MGAT4C: variants seen among roughly 807,000 people sequenced by gnomAD.
MGAT4C encodes the protein alpha-1,3-mannosyl-glycoprotein 4-beta-N-acetylglucosaminyltransferase C.
MGAT4C carries 19 observed loss-of-function variants against 40.1 expected under a neutral mutation model. The ratio of observed to expected loss-of-function variants is 0.47; its 90% CI spans 0.33 to 0.70. MGAT4C has a LOEUF of 0.70. Among genes scored for constraint, MGAT4C ranks in the 30% least tolerant of loss-of-function variants. The probability of loss-of-function intolerance (pLI) is 0.02; values close to 1 mark genes in which losing one functional copy is unlikely to be tolerated. For synonymous variants in MGAT4C, 181 were observed against 187.1 expected, an observed-to-expected ratio of 0.97 and a Z score of 0.27; for missense variants, 491 against 563.2, an observed-to-expected ratio of 0.87 and a Z score of 1.30.
At chr12:86,525,861 G>GCT (rs1958870817) in intron 2 of MGAT4C, among the ~76,000 whole-genome samples, 2 of 152,176 alleles carry the variant, frequency 1.3e-5, no homozygotes, top group African/African-American at 4.8e-5. Flanking sequence ...TGGCCACTAT[G>GCT]CTCTGATGGG....
chr12:86,574,505 T>A (rs1004667266), intron 2 of MGAT4C, among the ~76,000 whole-genome samples: 1 of 151,800 alleles, frequency 6.6e-6, no homozygotes, highest in African/African-American at 2.4e-5. Context: ...ATATTAGTTT[T>A]AGTCATTATA....
At chr12:86,321,507 T>C (rs1374546289) in intron 4 of MGAT4C, among the ~76,000 whole-genome samples, 1 of 152,128 alleles carries the variant, frequency 6.6e-6, no homozygotes, top group Non-Finnish European at 1.5e-5. Context: ...GTTTTAATTT[T>C]AAGAGCTAAT....
chr12:85,992,484 C>G (rs562766570), intron 2 of MGAT4C, among the ~76,000 whole-genome samples: 1 of 152,320 alleles, frequency 6.6e-6, no homozygotes, highest in South Asian at 2.1e-4. Context: ...ATCATTCTTT[C>G]TTTCTCTCTT....
intron 2 of MGAT4C, among the ~76,000 whole-genome samples, chr12:86,644,408 C>A (rs184967275): frequency 0.032 from 4,717 of 149,124 alleles, 120 homozygotes; most frequent in African/African-American, 0.078. Context: ...GCAAACAAAT[C>A]AGAATAAATA....
intron 1 of MGAT4C, among the ~76,000 whole-genome samples, chr12:86,090,599 A>C (rs1198394367): frequency 6.6e-6 from 1 of 151,836 alleles, no homozygotes; most frequent in Non-Finnish European, 1.5e-5. Flanking sequence ...TGAGAAGTCT[A>C]ATACCAGTCT....
In MGAT4C at chr12:86,156,777, A is replaced by G. The variant is rs1052838623; in HGVS notation, c.-57+99462T>C. Among the ~76,000 whole-genome samples the G allele has an allele frequency of 3.9e-5, 6 of 152,224 alleles. 1 individual carries two copies. The highest frequency in any genetic ancestry group is 1.4e-4 in the African/African-American group (6 of 41,462). Reference sequence around the variant, plus strand: ...TTTTCTACTGAGTAAATTATGGCTCAGAAAACTTGGCTCAGGGCTTTGCAT... The same window carrying G: ...TTTTCTACTGAGTAAATTATGGCTCGGAAAACTTGGCTCAGGGCTTTGCAT... On this transcript the variant is annotated intron_variant, in intron 1 of 4. Coordinates refer to ENST00000611864, the MANE Select transcript of MGAT4C (RefSeq NM_001351288.2).
chr12:86,777,086 C>A (rs971929846), intron 1 of MGAT4C, among the ~76,000 whole-genome samples: 2 of 152,040 alleles, frequency 1.3e-5, no homozygotes, highest in African/African-American at 4.8e-5. Context: ...AATTCAATGG[C>A]AAATTGCCAA....
chr12:86,015,374 T>C (rs1306258470), intron 2 of MGAT4C, among the ~76,000 whole-genome samples: 1 of 152,064 alleles, frequency 6.6e-6, no homozygotes, highest in Non-Finnish European at 1.5e-5. Flanking sequence ...TGTGCTGTGG[T>C]CATGCCAATC....
chr12:86,201,919 G>A (rs1421236167), intron 1 of MGAT4C, among the ~76,000 whole-genome samples: 1 of 151,846 alleles, frequency 6.6e-6, no homozygotes, highest in African/African-American at 2.4e-5. Context: ...CACAGCAAAT[G>A]GTATTGTGCT....
intron 2 of MGAT4C, among the ~76,000 whole-genome samples, chr12:86,447,392 C>T (rs1957358201): frequency 6.6e-6 from 1 of 152,000 alleles, no homozygotes. Context: ...CCCAAAGTAT[C>T]ATTCTGTTTT....
chr12:86,347,703 T>C (rs1395565831), intron 3 of MGAT4C, among the ~76,000 whole-genome samples: 1 of 152,202 alleles, frequency 6.6e-6, no homozygotes, highest in Non-Finnish European at 1.5e-5. Flanking sequence ...ATTTAAATTA[T>C]GGTTCATTCA....
chr12:86,091,574 G>A (rs12302272), intron 1 of MGAT4C, among the ~76,000 whole-genome samples: 17,668 of 151,970 alleles, frequency 0.12, 2,529 homozygotes, highest in African/African-American at 0.34. Context: ...GTTCTGAAAT[G>A]GCTGAAAGTC....
intron 1 of MGAT4C, among the ~76,000 whole-genome samples, chr12:86,228,762 A>T (rs1041367735): frequency 6.6e-6 from 1 of 151,986 alleles, no homozygotes; most frequent in Non-Finnish European, 1.5e-5. Flanking sequence ...AGCAAGGAAC[A>T]GTTAGATGTA....
In MGAT4C at chr12:86,446,211, T is replaced by C. The variant is rs115067774; in HGVS notation, c.-228-10946A>G. ...ACTTGAAATATTTTGTGAACAATTA[T>C]TGCTAAGACAAGGACCCATTTTTTC... is the stretch of plus-strand genomic sequence containing the variant. On this transcript the variant is annotated intron_variant, in intron 2 of 7. Transcript: ENST00000548651. Among the ~76,000 whole-genome samples the C allele has an allele frequency of 4.3e-3, 656 of 152,176 alleles. 4 individuals carry two copies. The highest frequency in any genetic ancestry group is 0.015 in the African/African-American group (627 of 41,542).
intron 2 of MGAT4C, among the ~76,000 whole-genome samples, chr12:86,613,888 T>C (rs965342880): frequency 6.6e-5 from 10 of 152,110 alleles, no homozygotes. Context: ...TATTTTTCTT[T>C]TCTAGCTCTC....
intron 2 of MGAT4C, among the ~76,000 whole-genome samples, chr12:86,677,492 C>G (rs1237241067): frequency 6.6e-6 from 1 of 152,076 alleles, no homozygotes; most frequent in Non-Finnish European, 1.5e-5. Flanking sequence ...TAATTTCATG[C>G]CATTCAGAAT....
chr12:86,298,205 T>G (rs985323931), intron 4 of MGAT4C, among the ~76,000 whole-genome samples: 1 of 152,044 alleles, frequency 6.6e-6, no homozygotes, highest in Non-Finnish European at 1.5e-5. Context: ...AAGTACAAAA[T>G]TATGCAATTC....
chr12:86,057,498 A>G (rs1893523501), intron 1 of MGAT4C, among the ~76,000 whole-genome samples: 1 of 152,190 alleles, frequency 6.6e-6, no homozygotes, highest in South Asian at 2.1e-4. Flanking sequence ...TTTTCCAAAC[A>G]CATTTCATGT....
chr12:86,472,573 G>T (rs1957771407), intron 2 of MGAT4C, among the ~76,000 whole-genome samples: 1 of 151,984 alleles, frequency 6.6e-6, no homozygotes. Context: ...TTATTGTTGT[G>T]TTATATAACT....
Sources: gnomAD v4.1 joint callset for allele counts (sites outside exome capture counted in the v4.1 genomes callset) on GRCh38, gnomAD v4.1.1 for gene constraint, MANE v1.5 for transcripts, NCBI Gene and HGNC (gene_info 2026-07-23, HGNC 2026-07-21) for gene names.